Variants in TECRL observed in about 807,000 individuals in gnomAD.
TECRL encodes trans-2,3-enoyl-CoA reductase-like.
In TECRL, 63 loss-of-function variants were observed where a neutral mutation model predicts 52.8. That is an observed-to-expected ratio of 1.19 (90% CI 0.97 to 1.47). The LOEUF is 1.47. Among genes scored for constraint, TECRL ranks in the 40% most tolerant of loss-of-function variants. The pLI, the probability that TECRL is intolerant of heterozygous loss-of-function variation, is 0.00. For missense variants in TECRL, 482 were observed against 429.6 expected (o/e 1.12, Z -1.08); for synonymous variants, 164 against 141.9 (o/e 1.16, Z -1.10).
chr4:64,317,954 C>A (rs1216176494), intron 4 of TECRL, among the ~76,000 whole-genome samples: 1 of 152,102 alleles, frequency 6.6e-6, no homozygotes. Context: ...TTCATCATCT[C>A]CAAAGGATGA....
chr4:64,305,854 A>T (rs1412946413), intron 6 of TECRL, among the ~76,000 whole-genome samples: 1 of 152,162 alleles, frequency 6.6e-6, no homozygotes, highest in Non-Finnish European at 1.5e-5. Context: ...TGTCTTTGCC[A>T]CATAAAAGAC....
At chr4:64,306,587 T>A (rs1724354115) in intron 6 of TECRL, among the ~76,000 whole-genome samples, 1 of 152,174 alleles carries the variant, frequency 6.6e-6, no homozygotes, top group Non-Finnish European at 1.5e-5. Flanking sequence ...TGCTTACTCA[T>A]CAGAAGTGTA....
intron 1 of TECRL, among the ~76,000 whole-genome samples, chr4:64,377,659 T>G (rs530551541): frequency 6.6e-6 from 1 of 152,212 alleles, no homozygotes; most frequent in African/African-American, 2.4e-5. Context: ...AATTTACTTC[T>G]AAATTTTAAC....
intron 9 of TECRL, among the ~76,000 whole-genome samples, chr4:64,287,041 T>C (rs1723115485): frequency 1.3e-5 from 2 of 152,188 alleles, no homozygotes; most frequent in Non-Finnish European, 2.9e-5. Context: ...ATTCAATGTA[T>C]CTGTGAATTT....
At chr4:64,343,743 CTACTCATGGAAGAATGATTTTCTT>C (rs1162940539) in intron 2 of TECRL, among the ~76,000 whole-genome samples, 3 of 152,022 alleles carry the variant, frequency 2.0e-5, no homozygotes, top group African/African-American at 7.2e-5. Flanking sequence ...AGTTAGGTTT[CTACTCATGGAAGAATGATTTTCTT>C]TCAAAATCTT....
chr4:64,380,568 T>C (rs537890825), intron 1 of TECRL, among the ~76,000 whole-genome samples: 21 of 152,184 alleles, frequency 1.4e-4, no homozygotes, highest in African/African-American at 5.1e-4. Flanking sequence ...AATTTTCAGT[T>C]GAGTTTTAGT....
At chr4:64,359,030 T>G (rs556822725) in intron 2 of TECRL, among the ~76,000 whole-genome samples, 11 of 152,072 alleles carry the variant, frequency 7.2e-5, no homozygotes, top group African/African-American at 2.4e-4. Context: ...GCTCATGTAT[T>G]TATTTTTAGA....
chr4:64,376,795 C>T (rs1165706930), intron 1 of TECRL, among the ~76,000 whole-genome samples: 2 of 151,922 alleles, frequency 1.3e-5, no homozygotes, highest in East Asian at 3.9e-4. Context: ...TTGTATTATG[C>T]ATTGGTTGTT....
At chr4:64,290,090 A>G (rs796128589) in intron 8 of TECRL, among the ~76,000 whole-genome samples, 17 of 152,218 alleles carry the variant, frequency 1.1e-4, no homozygotes, top group African/African-American at 4.1e-4. Flanking sequence ...TACAGAGACA[A>G]CTCTTGCTGA....
chr4:64,307,424 G>C (rs1293856554), intron 6 of TECRL, among the ~76,000 whole-genome samples: 1 of 152,210 alleles, frequency 6.6e-6, no homozygotes, highest in Non-Finnish European at 1.5e-5. Flanking sequence ...GGTCACACTT[G>C]CATCCACAGG....
At chr4:64,345,116 A>G (rs1196635846) in intron 2 of TECRL, among the ~76,000 whole-genome samples, 1 of 152,190 alleles carries the variant, frequency 6.6e-6, no homozygotes, top group Admixed American at 6.5e-5. Context: ...GTGGGACTGT[A>G]AACTAGTTCA....
chr4:64,359,101 GA>G (rs573668898), intron 2 of TECRL, among the ~76,000 whole-genome samples: 1,867 of 151,698 alleles, frequency 0.012, 46 homozygotes, highest in African/African-American at 0.042. Context: ...TTTTTAAAGA[GA>G]AAAAAAGATT....
intron 2 of TECRL, among the ~76,000 whole-genome samples, chr4:64,340,941 C>A (rs993567368): frequency 9.2e-5 from 14 of 152,152 alleles, no homozygotes; most frequent in Non-Finnish European, 1.8e-4. Flanking sequence ...GAGGAACAAC[C>A]CACTCCAGGG....
Position 64,322,700 on chromosome 4 carries a change from TG to T in TECRL, c.423del (p.Ser142ValfsTer15). On this transcript the variant is annotated frameshift_variant, in exon 4 of 12. Transcript: ENST00000381210. LOFTEE classifies it high-confidence loss of function. Reference protein sequence around the residue: ...TLYATDLGQQVSWTTVFLAEY... With the variant: ...TLYATDLGQQXSWTTVFLAEY... ...AAATTAACACTTACTGTGGTCCAACTGACTTGTTGACCTAGGTCTGTAGCAT... is the reference window on the plus strand; with the variant it reads ...AAATTAACACTTACTGTGGTCCAACTACTTGTTGACCTAGGTCTGTAGCAT... 6.2e-7 allele frequency: 1 copy of T among 1,603,074 alleles called. No individual in the cohort carries two copies. The highest frequency in any genetic ancestry group is 1.1e-5 in the South Asian group (1 of 89,010).
chr4:64,318,412 A>C (rs774432822), intron 4 of TECRL, among the ~76,000 whole-genome samples: 12 of 152,042 alleles, frequency 7.9e-5, no homozygotes, highest in Admixed American at 7.2e-4. Context: ...AATGGACAAG[A>C]AATAGTTGAA....
rs1002644478 is a variant in TECRL at position 64,278,066 on chromosome 4, G to A, written c.*2006C>T. On this transcript the variant is annotated 3_prime_UTR_variant, in exon 12 of 12. Transcript: ENST00000381210. ...TATTTGTGTATGTGTATATATATGTGTATATATATACACATATACACACGT... is the reference window on the plus strand; with the variant it reads ...TATTTGTGTATGTGTATATATATGTATATATATATACACATATACACACGT... 1.3e-5 allele frequency: 2 copies of A among 150,592 alleles called. No homozygotes were observed. Among genetic ancestry groups the A allele is most frequent in the Admixed American group, 1.3e-4 (2 of 15,076 alleles). The allele number at this position is 150,592 out of a possible 1,614,324, so 9.3% of individuals were successfully genotyped here.
intron 11 of TECRL, among the ~76,000 whole-genome samples, chr4:64,280,834 G>A (rs751073527): frequency 3.3e-5 from 5 of 152,082 alleles, no homozygotes; most frequent in Non-Finnish European, 7.4e-5. Flanking sequence ...TACAATCCCT[G>A]GCTTGGATTA....
chr4:64,373,728 TGTC>T (rs1397894282), intron 2 of TECRL, among the ~76,000 whole-genome samples: 4 of 151,440 alleles, frequency 2.6e-5, no homozygotes, highest in Admixed American at 2.0e-4. Flanking sequence ...CATTTTCAAA[TGTC>T]TTCCTACTTA....
intron 9 of TECRL, among the ~76,000 whole-genome samples, chr4:64,288,932 C>T (rs1426308471): frequency 6.6e-6 from 1 of 152,144 alleles, no homozygotes; most frequent in Non-Finnish European, 1.5e-5. Flanking sequence ...TTGCCTCATC[C>T]ACCATATTCG....
Sources: gnomAD v4.1 joint callset for allele counts (sites outside exome capture counted in the v4.1 genomes callset) on GRCh38, gnomAD v4.1.1 for gene constraint, MANE v1.5 for transcripts, NCBI Gene and HGNC (gene_info 2026-07-23, HGNC 2026-07-21) for gene names.